The following SLC6A2 variants were observed in gnomAD, a reference collection of about 807,000 sequenced individuals.
SLC6A2 encodes the protein sodium-dependent noradrenaline transporter.
A neutral mutation model predicts 71.7 loss-of-function variants in SLC6A2; 26 were observed. The ratio of observed to expected loss-of-function variants is 0.36; its 90% confidence interval spans 0.27 to 0.50. The LOEUF (loss-of-function observed/expected upper bound fraction) is 0.50. SLC6A2 is among the 20% of genes least tolerant of loss of function. The pLI is 0.96. For synonymous variants in SLC6A2, 363 were observed against 337.9 expected, an observed-to-expected ratio of 1.07 and a Z score of -0.82; for missense variants, 581 against 803.9, an observed-to-expected ratio of 0.72 and a Z score of 3.35.
chr16:55,670,849 A>T (rs956625885), intron 3 of SLC6A2, among the ~76,000 whole-genome samples: 1 of 152,206 alleles, frequency 6.6e-6, no homozygotes, highest in Non-Finnish European at 1.5e-5. Context: ...ACATCTTGCG[A>T]TGGAGGAAGA....
chr16:55,695,859 G>T (rs1965781263), intron 8 of SLC6A2, among the ~76,000 whole-genome samples: 4 of 152,204 alleles, frequency 2.6e-5, no homozygotes, highest in Admixed American at 2.6e-4. Context: ...CTTCCCTGCA[G>T]CTTCCCATAT....
chr16:55,670,555 A>G (rs532611763), intron 3 of SLC6A2, among the ~76,000 whole-genome samples: 3 of 152,340 alleles, frequency 2.0e-5, no homozygotes, highest in Admixed American at 6.5e-5. Context: ...TCTGGAATCT[A>G]TCGCTCTTCT....
At chr16:55,679,928 G>C (rs1479424232) in intron 4 of SLC6A2, among the ~76,000 whole-genome samples, 1 of 152,150 alleles carries the variant, frequency 6.6e-6, no homozygotes, top group Non-Finnish European at 1.5e-5. Flanking sequence ...TGGGGGACAG[G>C]GGTGCACACT....
chr16:55,677,840 T>A (rs1354591715), intron 4 of SLC6A2, among the ~76,000 whole-genome samples: 3 of 152,074 alleles, frequency 2.0e-5, no homozygotes, highest in African/African-American at 7.2e-5. Context: ...TTTATATTTT[T>A]TGTAGAGATG....
chr16:55,698,177 T>C (rs1487436151), intron 10 of SLC6A2, 152 bp downstream of exon 10: 7 of 816,988 alleles, frequency 8.6e-6, no homozygotes, highest in Non-Finnish European at 1.4e-5. Flanking sequence ...CCACTAGGGT[T>C]AGGCCCAGTA....
rs1225723317 is a variant in SLC6A2, at chr16:55,704,605, T to C, written c.*2259T>C. On this transcript the variant is annotated 3_prime_UTR_variant, in exon 15 of 15. Transcript: ENST00000568943. ...TGAAAATAATCACTCTTTGGAATAG[T>C]TGGATGTGAAAAGCTGAGTCTACTT... 4 of 152,226 alleles carry C rather than the reference T, an allele frequency of 2.6e-5. No homozygotes were observed. Among genetic ancestry groups the C allele is most frequent in the East Asian group, 1.9e-4 (1 of 5,202 alleles). The allele number at this position is 152,226 out of a possible 1,614,324, so 9.4% of individuals were successfully genotyped here. A position where few individuals can be genotyped will look rare whatever the true frequency, so the allele number is the denominator to read the frequency against.
At chr16:55,664,921 C>G (rs561280563) in intron 2 of SLC6A2, among the ~76,000 whole-genome samples, 1 of 152,158 alleles carries the variant, frequency 6.6e-6, no homozygotes, top group Admixed American at 6.5e-5. Flanking sequence ...CTCCAATACC[C>G]GGACGGTGGA....
intron 4 of SLC6A2, among the ~76,000 whole-genome samples, chr16:55,678,261 C>T (rs1965158850): frequency 6.6e-6 from 1 of 151,938 alleles, no homozygotes; most frequent in South Asian, 2.1e-4. Flanking sequence ...TGGCCTGGAG[C>T]CTGCCTCTGT....
At chr16:55,677,703 G>T (rs1375134433) in intron 4 of SLC6A2, among the ~76,000 whole-genome samples, 1 of 150,918 alleles carries the variant, frequency 6.6e-6, no homozygotes, top group African/African-American at 2.5e-5. Flanking sequence ...ACGGGGTCTT[G>T]CTCTGTCACC....
chr16:55,694,396 A>G (rs1597007210), intron 7 of SLC6A2, among the ~76,000 whole-genome samples: 1 of 152,134 alleles, frequency 6.6e-6, no homozygotes, highest in African/African-American at 2.4e-5. Flanking sequence ...GAGAACTGTG[A>G]AGATTTCAGT....
Position 55,702,744 on chromosome 16 carries a change from T to G in SLC6A2, c.*398T>G. 1.5e-6 allele frequency: 1 copy of G among 645,206 alleles called. No individual in the cohort carries two copies. 40.0% of individuals were successfully genotyped at this position (645,206 alleles called of 1,614,324 possible). On this transcript the variant is annotated 3_prime_UTR_variant, in exon 15 of 15. Transcript: ENST00000568943. ...GGATGGGCTTTTGATCAGATACCCCTCCCAAAAAAAAAAAAAACTAAAACT... is the reference window on the plus strand; with the variant it reads ...GGATGGGCTTTTGATCAGATACCCCGCCCAAAAAAAAAAAAAACTAAAACT...
intron 3 of SLC6A2, 99 bp from the exon 4 acceptor site, chr16:55,671,839 C>G (rs1964926568): frequency 6.3e-7 from 1 of 1,576,434 alleles, no homozygotes; most frequent in Non-Finnish European, 8.6e-7. Flanking sequence ...AAACGAGAGA[C>G]AGAGGGAATG....
chr16:55,669,262 T>C (rs1159704393), intron 2 of SLC6A2, among the ~76,000 whole-genome samples: 1 of 152,188 alleles, frequency 6.6e-6, no homozygotes, highest in Non-Finnish European at 1.5e-5. Context: ...ATCCCCCTCC[T>C]GGCACATCAC....
chr16:55,656,766 C>A lies in SLC6A2; in HGVS notation c.72C>A (p.Pro24=). 1 of 1,613,288 alleles carries A rather than the reference C, an allele frequency of 6.2e-7. No individual in the cohort carries two copies. The highest frequency in any genetic ancestry group is 1.3e-5 in the African/African-American group (1 of 75,040). The change falls in exon 2 of 15, where the codon CCC becomes CCA. Residue 24 remains proline, a synonymous_variant. Coordinates refer to ENST00000568943, the MANE Select transcript of SLC6A2 (RefSeq NM_001172501.3). This position sits in a 1 kb window ranked among gnomAD's most constrained non-coding sequence, Gnocchi z 4.5. ...NNGADTGPEQ[P]LRARKTAELL... Reference sequence around the variant, plus strand: ...GGGCGGACACGGGTCCAGAGCAGCCCCTTCGGGCGCGCAAAACTGCGGAGC... The same window carrying A: ...GGGCGGACACGGGTCCAGAGCAGCCACTTCGGGCGCGCAAAACTGCGGAGC...
chr16:55,656,556 A>C lies in SLC6A2; in HGVS notation c.-51-88A>C. ...CGTCCGCTCAGCGCGCGCTCATCCC[A>C]GTGTCTAAGGCGCTCCCGGGTGGTC... is the stretch of plus-strand genomic sequence containing the variant. On this transcript the variant is annotated intron_variant, in intron 1 of 14. Transcript: ENST00000568943. This position sits in a 1 kb window ranked among gnomAD's most constrained non-coding sequence, Gnocchi z 4.5. 9.5e-7 allele frequency: 1 copy of C among 1,057,050 alleles called. No individual in the cohort carries two copies. The highest frequency in any genetic ancestry group is 2.4e-5 in the East Asian group (1 of 41,820). The allele number at this position is 1,057,050 out of a possible 1,614,324, so 65.5% of individuals were successfully genotyped here. A position where few individuals can be genotyped will look rare whatever the true frequency, so the allele number is the denominator to read the frequency against.
Position 55,700,954 on chromosome 16 carries a change from T to C in SLC6A2, c.1758+648T>C, listed in dbSNP as rs570665330. Among the ~76,000 whole-genome samples the C allele has an allele frequency of 6.6e-5, 10 of 152,348 alleles. No homozygotes were observed. In the South Asian group the frequency reaches 1.9e-3, roughly 28 times the overall value. On this transcript the variant is annotated intron_variant, in intron 13 of 14. Transcript: ENST00000568943. ...ATGTCACTCCTATTTGATTAAAATA[T>C]CCTTTCTTTCATAAACTAATAGTGA...
At position 55,700,280 on chromosome 16, in the gene SLC6A2, C is replaced by G. The variant is rs776196629; in HGVS notation, c.1732C>G (p.Leu578Val). Reference sequence around the variant, plus strand: ...GCCCATCTACGTCATCTATAAGTTCCTCAGCACGCAGGGCTCTCTTTGGGA... The same window carrying G: ...GCCCATCTACGTCATCTATAAGTTCGTCAGCACGCAGGGCTCTCTTTGGGA... Reference protein sequence around the residue: ...LVPIYVIYKFLSTQGSLWERL... With the variant: ...LVPIYVIYKFVSTQGSLWERL... The change falls in exon 13 of 15, where the codon CTC (leucine) becomes GTC (valine). Residue 578 changes from leucine (L) to valine (V), a missense_variant. This residue lies in a region of SLC6A2 where 334 missense variants were observed against 449.0 expected (regional missense o/e 0.74). Transcript: ENST00000568943. 5.6e-6 allele frequency: 9 copies of G among 1,613,800 alleles called. No homozygotes were observed. The Admixed American group carries it at 1.5e-4, about 27-fold the overall frequency.
At chr16:55,691,047 C>A (rs1256351023) in intron 5 of SLC6A2, among the ~76,000 whole-genome samples, 1 of 151,928 alleles carries the variant, frequency 6.6e-6, no homozygotes, top group East Asian at 1.9e-4. Context: ...TGCTTTCTGC[C>A]CAGCCACATC....
At chr16:55,675,589 C>T (rs538684321) in intron 4 of SLC6A2, among the ~76,000 whole-genome samples, 12 of 152,316 alleles carry the variant, frequency 7.9e-5, no homozygotes, top group East Asian at 3.9e-4. Context: ...TAAAACTTCC[C>T]GCCATGATAG....
Sources: gnomAD v4.1 joint callset for allele counts (sites outside exome capture counted in the v4.1 genomes callset) on GRCh38, gnomAD v4.1.1 for gene constraint, gnomAD v4.1.1 regional missense constraint, Gnocchi (gnomAD v3.1) non-coding constraint, MANE v1.5 for transcripts, NCBI Gene and HGNC (gene_info 2026-07-23, HGNC 2026-07-21) for gene names.